HAVCR1: variants seen among roughly 807,000 people sequenced by gnomAD.
HAVCR1 encodes T cell immunoglobin domain and mucin domain protein 1.
HAVCR1 carries 34 observed loss-of-function variants against 32.0 expected under a neutral mutation model. That is an observed-to-expected ratio of 1.06 (90% CI 0.81 to 1.42). The LOEUF (loss-of-function observed/expected upper bound fraction) is 1.42. Ranked by LOEUF, HAVCR1 falls within the 40% of genes most tolerant of loss-of-function variation. HAVCR1 has a pLI of 0.00. For synonymous variants in HAVCR1, 178 were observed against 170.3 expected (o/e 1.05, Z -0.35); for missense variants, 420 against 442.3 (o/e 0.95, Z 0.45).
At position 157,042,646 on chromosome 5, in the gene HAVCR1, A is replaced by G; in HGVS notation, c.818T>C (p.Leu273Pro). 6.3e-7 allele frequency: 1 copy of G among 1,596,752 alleles called. No homozygotes were observed. The highest frequency in any genetic ancestry group is 1.1e-5 in the South Asian group (1 of 90,300). Residue 273 changes from leucine to proline, a missense_variant, in exon 6 of 9, where the codon CTT becomes CCT. Physicochemically the swap from Leu to Pro is moderately conservative, Grantham distance 98 (BLOSUM62 -3). Coordinates refer to ENST00000523175, the MANE Select transcript of HAVCR1 (RefSeq NM_001173393.3). ...NDTVTESSDG[L>P]WNNNQTQLFL... Reference sequence around the variant, plus strand: ...GCTTACAGTTTGATTGTTATTCCAAAGGCCATCTGAAGACTCTGTCACGGT... The same window carrying G: ...GCTTACAGTTTGATTGTTATTCCAAGGGCCATCTGAAGACTCTGTCACGGT...
intron 5 of HAVCR1, among the ~76,000 whole-genome samples, chr5:157,048,648 G>T (rs1034476811): frequency 6.6e-6 from 1 of 152,154 alleles, no homozygotes; most frequent in African/African-American, 2.4e-5. Flanking sequence ...GACTAAGACG[G>T]TGAAACCCCG....
At chr5:157,049,399 G>A (rs562490036) in intron 4 of HAVCR1, among the ~76,000 whole-genome samples, 2 of 152,264 alleles carry the variant, frequency 1.3e-5, no homozygotes, top group Non-Finnish European at 2.9e-5. Context: ...GAGGAAATGC[G>A]ATCTAGATAA....
chr5:157,042,912 GT>G (rs1754998298), intron 5 of HAVCR1, among the ~76,000 whole-genome samples: 1 of 151,900 alleles, frequency 6.6e-6, no homozygotes, highest in Non-Finnish European at 1.5e-5. Context: ...ATGGACTCTT[GT>G]TTTTTCTTTA....
chr5:157,063,401 T>A (rs1201135410), upstream of HAVCR1, among the ~76,000 whole-genome samples: 1 of 150,496 alleles, frequency 6.6e-6, no homozygotes, highest in Non-Finnish European at 1.5e-5. Context: ...TTCTCCTACC[T>A]CAGCCTCCCA....
upstream of HAVCR1, among the ~76,000 whole-genome samples, chr5:157,059,836 A>G (rs1308452468): frequency 2.0e-5 from 3 of 152,094 alleles, no homozygotes; most frequent in Admixed American, 6.6e-5. Context: ...AAACGAACAA[A>G]AAATATAGTC....
intron 6 of HAVCR1, among the ~76,000 whole-genome samples, chr5:157,037,821 C>T (rs1220881866): frequency 6.6e-6 from 1 of 152,098 alleles, no homozygotes; most frequent in Non-Finnish European, 1.5e-5. Flanking sequence ...CGAGACCAGC[C>T]TGGGCAACAT....
chr5:157,044,758 GC>G (rs998608505), intron 5 of HAVCR1, among the ~76,000 whole-genome samples: 19 of 152,152 alleles, frequency 1.2e-4, no homozygotes, highest in African/African-American at 2.4e-5. Flanking sequence ...TAGAATCTCA[GC>G]CCTGTTTGTG....
the HAVCR1 span, among the ~76,000 whole-genome samples, chr5:157,069,268 T>C: frequency 6.6e-3 from 1,012 of 152,366 alleles, 4 homozygotes; most frequent in Non-Finnish European, 0.011. Context: ...TCAATCATTA[T>C]TGTCCTTATA....
intron 5 of HAVCR1, among the ~76,000 whole-genome samples, chr5:157,047,320 G>A (rs566939387): frequency 1.6e-4 from 25 of 152,268 alleles, no homozygotes; most frequent in Admixed American, 6.5e-4. Context: ...GGAAGGCTGA[G>A]GTGGGCAGAT....
At chr5:157,056,438 G>A (rs1756151200) in intron 2 of HAVCR1, among the ~76,000 whole-genome samples, 1 of 149,064 alleles carries the variant, frequency 6.7e-6, no homozygotes. Flanking sequence ...GGAGTGCAGT[G>A]GTGTGATCTC....
At chr5:157,048,235 A>C (rs1222697763) in intron 5 of HAVCR1, among the ~76,000 whole-genome samples, 1 of 152,182 alleles carries the variant, frequency 6.6e-6, no homozygotes, top group Non-Finnish European at 1.5e-5. Flanking sequence ...TTTGAGCTAA[A>C]CATCAGAGGG....
chr5:157,067,912 A>C, the HAVCR1 span, among the ~76,000 whole-genome samples: 3 of 151,896 alleles, frequency 2.0e-5, no homozygotes, highest in Non-Finnish European at 4.4e-5. Flanking sequence ...TCCCAACCTC[A>C]GGTGATCTGC....
chr5:157,029,620 G>T lies in HAVCR1; in HGVS notation c.*113C>A, dbSNP rs1317384019. ...GTATCACTGACATGTTGGAATGCCA[G>T]ATGAAACTGAAACAGAAAAATTGTC... On this transcript the variant is annotated 3_prime_UTR_variant, in exon 9 of 9. Transcript: ENST00000523175. The T allele has an allele frequency of 3.2e-6, 5 of 1,551,320 alleles. No individual in the cohort carries two copies. In the South Asian group the frequency reaches 5.8e-5, roughly 18 times the overall value.
intron 4 of HAVCR1, among the ~76,000 whole-genome samples, chr5:157,050,950 A>C (rs1561597540): frequency 6.6e-6 from 1 of 152,190 alleles, no homozygotes; most frequent in Non-Finnish European, 1.5e-5. Flanking sequence ...TTTCCAGCTA[A>C]GAGGCTGCGA....
intron 7 of HAVCR1, among the ~76,000 whole-genome samples, chr5:157,034,160 C>CT (rs1441876091): frequency 1.3e-5 from 2 of 152,108 alleles, no homozygotes; most frequent in Non-Finnish European, 2.9e-5. Flanking sequence ...GCACTTGTCT[C>CT]TGAGTTCCCT....
At chr5:157,039,103 G>A (rs571311467) in intron 6 of HAVCR1, among the ~76,000 whole-genome samples, 46 of 152,270 alleles carry the variant, frequency 3.0e-4, no homozygotes, top group African/African-American at 1.0e-3. Context: ...CTGAGCAATG[G>A]AGTGAGACTC....
At chr5:157,046,270 G>C (rs955251156) in intron 5 of HAVCR1, among the ~76,000 whole-genome samples, 2 of 152,166 alleles carry the variant, frequency 1.3e-5, no homozygotes, top group African/African-American at 4.8e-5. Context: ...GTGTGACCTT[G>C]CTTGGATGCC....
rs191125843 is a variant in HAVCR1, at chr5:157,040,997, C to T, written c.837+1630G>A. On this transcript the variant is annotated intron_variant, in intron 6 of 8. Coordinates refer to ENST00000523175, the MANE Select transcript of HAVCR1 (RefSeq NM_001173393.3). ...TTTTGTTTGTTACTTCAAAAAGTTA[C>T]TTGCACATACTAAAAGGCAGATTGT... 2.2e-3 allele frequency among the ~76,000 whole-genome samples: 332 copies of T among 152,270 alleles called. 2 individuals are homozygous for T. The highest frequency in any genetic ancestry group is 7.3e-3 in the African/African-American group (304 of 41,566).
the HAVCR1 span, among the ~76,000 whole-genome samples, chr5:157,069,280 C>T: frequency 2.0e-5 from 3 of 152,158 alleles, no homozygotes; most frequent in Non-Finnish European, 4.4e-5. Context: ...GTCCTTATAT[C>T]TCATATAAAA....
Sources: gnomAD v4.1 joint callset for allele counts (sites outside exome capture counted in the v4.1 genomes callset) on GRCh38, gnomAD v4.1.1 for gene constraint, MANE v1.5 for transcripts, NCBI Gene and HGNC (gene_info 2026-07-23, HGNC 2026-07-21) for gene names.